GNAS: variants seen among roughly 807,000 people sequenced by gnomAD.
GNAS encodes protein ALEX.
In GNAS, 8 loss-of-function variants were observed where a neutral mutation model predicts 54.5. The ratio of observed to expected loss-of-function variants is 0.15; its 90% CI spans 0.09 to 0.26. The LOEUF is 0.26. Ranked by LOEUF, GNAS falls within the 10% of genes least tolerant of loss-of-function variation. GNAS has a pLI of 1.00. For synonymous variants in GNAS, 204 were observed against 191.4 expected (o/e 1.07, Z -0.54); for missense variants, 170 against 529.8 (o/e 0.32, Z 6.67).
chr20:58,900,036 A>T (rs574122173), intron 3 of GNAS: 14 of 704,062 alleles, frequency 2.0e-5, no homozygotes, highest in Admixed American at 1.8e-4. Context: ...GCTCGGTCTT[A>T]GGAACTTCTA....
At chr20:58,889,749 G>A (rs1003235365), upstream of GNAS, among the ~76,000 whole-genome samples, 5 of 150,366 alleles carry the variant, frequency 3.3e-5, no homozygotes, top group Admixed American at 2.0e-4. Context: ...CCGCGGCCCC[G>A]GGGCAGCGCG....
At chr20:58,895,194 A>G in intron 1 of GNAS, 1 of 269,798 alleles carries the variant, frequency 3.7e-6, no homozygotes, top group South Asian at 3.9e-5. Flanking sequence ...TCTGACAACA[A>G]ATTATGTGTC....
Position 58,911,074 on chromosome 20 carries a change from AAAAT to A in GNAS, c.*253_*256del, listed in dbSNP as rs372995978. On this transcript the variant is annotated 3_prime_UTR_variant, in exon 13 of 13. Transcript: ENST00000371085. ...CAAAAGTTCCCTCTCACTTTCAGTA[AAAAT>A]AAATAAAACAGCAGCAGCAAACAAA... The A allele has an allele frequency of 6.2e-4, 402 of 648,434 alleles. No individual in the cohort carries two copies. In the African/African-American group the frequency reaches 6.3e-3, roughly 10 times the overall value. The allele number at this position is 648,434 out of a possible 1,614,324, so 40.2% of individuals were successfully genotyped here. A position where few individuals can be genotyped will look rare whatever the true frequency, so the allele number is the denominator to read the frequency against.
chr20:58,910,988 T>G lies in GNAS; in HGVS notation c.*159T>G. On this transcript the variant is annotated 3_prime_UTR_variant, in exon 13 of 13. Coordinates refer to ENST00000371085, the MANE Select transcript of GNAS (RefSeq NM_000516.7). This position sits in a 1 kb window ranked among gnomAD's most constrained non-coding sequence, Gnocchi z 5.8. ...GCGAAACCCCCTTTTCCCTTCAGCTTGCTTAGATGTTCCAAATTTAGAAAG... is the reference window on the plus strand; with the variant it reads ...GCGAAACCCCCTTTTCCCTTCAGCTGGCTTAGATGTTCCAAATTTAGAAAG... The G allele has an allele frequency of 1.3e-6, 1 of 758,016 alleles. No individual in the cohort carries two copies. Among genetic ancestry groups the G allele is most frequent in the Non-Finnish European group, 2.3e-6 (1 of 438,200 alleles). The allele number at this position is 758,016 out of a possible 1,614,324, so 47.0% of individuals were successfully genotyped here.
chr20:58,898,806 A>AG, intron 2 of GNAS, 135 bp from the exon 3 acceptor site: 1 of 821,650 alleles, frequency 1.2e-6, no homozygotes, highest in Non-Finnish European at 2.2e-6. Context: ...AATTGCCGGG[A>AG]GGATGGATGG....
At chr20:58,882,111 C>T (rs78605118) in intron 1 of GNAS, among the ~76,000 whole-genome samples, 191 of 152,322 alleles carry the variant, frequency 1.3e-3, no homozygotes, top group African/African-American at 4.4e-3. Context: ...GTTTGTCGCC[C>T]AGGCTGGAGT....
intron 1 of GNAS, chr20:58,855,979 G>A (rs1216430290): frequency 1.8e-5 from 5 of 277,718 alleles, no homozygotes; most frequent in Middle Eastern, 1.1e-3. Context: ...TGGTACCTGC[G>A]CCCGGGCGCT....
intron 3 of GNAS, chr20:58,899,339 C>T: frequency 2.0e-6 from 1 of 504,504 alleles, no homozygotes; most frequent in Admixed American, 2.8e-5. Context: ...TTAAAACTAT[C>T]TACTAAATTC....
chr20:58,858,013 C>T (rs988698252), intron 1 of GNAS, among the ~76,000 whole-genome samples: 7 of 152,130 alleles, frequency 4.6e-5, no homozygotes, highest in Non-Finnish European at 7.4e-5. Flanking sequence ...TGAAACTGTA[C>T]CACTGCAGTT....
chr20:58,866,816 C>T (rs920570875), intron 1 of GNAS, among the ~76,000 whole-genome samples: 1 of 150,908 alleles, frequency 6.6e-6, no homozygotes, highest in Non-Finnish European at 1.5e-5. Flanking sequence ...AAATTTATGA[C>T]CTCTGACTTC....
chr20:58,850,746 T>C, intron 1 of GNAS: 1 of 398,574 alleles, frequency 2.5e-6, no homozygotes. Context: ...ACCCCACCTC[T>C]CCCCCGAGGC....
At chr20:58,889,416 G>A (rs1435078293), upstream of GNAS, 27 of 977,404 alleles carry the variant, frequency 2.8e-5, no homozygotes, top group Non-Finnish European at 3.2e-5. Context: ...GGCAAGAGCC[G>A]CCGGGTCCGG....
chr20:58,897,238 C>T (rs2090150418), intron 2 of GNAS, among the ~76,000 whole-genome samples: 1 of 152,214 alleles, frequency 6.6e-6, no homozygotes, highest in African/African-American at 2.4e-5. Context: ...ATTCTTGACA[C>T]ACCCCTCGAT....
chr20:58,877,333 G>A lies in GNAS; in HGVS notation c.44-18279G>A, dbSNP rs117567756. Among the ~76,000 whole-genome samples the A allele has an allele frequency of 6.4e-3, 976 of 152,068 alleles. 6 individuals are homozygous for A. The highest frequency in any genetic ancestry group is 0.011 in the Non-Finnish European group (722 of 67,976). On this transcript the variant is annotated intron_variant, in intron 1 of 12. Coordinates refer to the GNAS transcript ENST00000306090. ...TGCACCAGTGGCCTATTCTGTGGGG[G>A]CCCAGGACTAGTCAGCCAGGGGCAA...
intron 1 of GNAS, among the ~76,000 whole-genome samples, chr20:58,848,297 A>G (rs1337337462): frequency 6.6e-6 from 1 of 152,000 alleles, no homozygotes; most frequent in Non-Finnish European, 1.5e-5. Context: ...GCAGCCCTAC[A>G]CTCCAGCACA....
chr20:58,892,224 G>A (rs2089490070), intron 1 of GNAS: 3 of 963,858 alleles, frequency 3.1e-6, no homozygotes, highest in South Asian at 9.6e-5. Context: ...GTGTTGGGGA[G>A]GGGGAGGGGG....
intron 6 of GNAS, among the ~76,000 whole-genome samples, chr20:58,908,623 G>A (rs987590417): frequency 6.6e-5 from 10 of 151,870 alleles, no homozygotes; most frequent in African/African-American, 2.2e-4. Flanking sequence ...TTTTCAAACT[G>A]TTTGCCATTT....
Position 58,909,122 on chromosome 20 carries a change from A to T in GNAS, c.531-40A>T. The T allele has an allele frequency of 6.4e-7, 1 of 1,568,292 alleles. No individual in the cohort carries two copies. The highest frequency in any genetic ancestry group is 2.2e-5 in the East Asian group (1 of 44,724). On this transcript the variant is annotated intron_variant, in intron 6 of 12. Transcript: ENST00000371085. The surrounding 1 kb of genome is among the most constrained non-coding windows in gnomAD (Gnocchi z 7.3). ...CACAAATAGTTGGCAAATTGATGTGAGCGCTGTGAACACCCCACGTGTCTT... is the reference window on the plus strand; with the variant it reads ...CACAAATAGTTGGCAAATTGATGTGTGCGCTGTGAACACCCCACGTGTCTT...
At chr20:58,850,132 C>T (rs1234524301) in intron 1 of GNAS, among the ~76,000 whole-genome samples, 1 of 152,202 alleles carries the variant, frequency 6.6e-6, no homozygotes, top group Non-Finnish European at 1.5e-5. Context: ...CCATCCCCCA[C>T]TACCACCTTC....
Sources: allele counts gnomAD v4.1 joint callset (sites outside exome capture counted in the v4.1 genomes callset), GRCh38; gene constraint gnomAD v4.1.1; non-coding constraint Gnocchi (gnomAD v3.1); transcripts MANE v1.5; gene names NCBI Gene and HGNC (gene_info 2026-07-23, HGNC 2026-07-21).